IQCB1: variants seen among roughly 807,000 people sequenced by gnomAD.
IQCB1 encodes the protein IQ calmodulin-binding motif-containing protein 1.
In IQCB1, 56 loss-of-function variants were observed where a neutral mutation model predicts 84.4. That is an observed-to-expected ratio of 0.66 (90% CI 0.54 to 0.83). IQCB1 has a LOEUF of 0.83. Among genes scored for constraint, IQCB1 ranks in the 40% least tolerant of loss-of-function variants. IQCB1 has a pLI of 0.00. For synonymous variants in IQCB1, 210 were observed against 234.8 expected (o/e 0.89, Z 0.96); for missense variants, 629 against 682.1 (o/e 0.92, Z 0.87).
At position 121,829,082 on chromosome 3, in the gene IQCB1, C is replaced by T. The variant is rs1576620939; in HGVS notation, c.-12-110G>A. On this transcript the variant is annotated intron_variant, in intron 2 of 14. Coordinates refer to ENST00000310864, the MANE Select transcript of IQCB1 (RefSeq NM_001023570.4). The stretch of plus-strand genomic sequence containing the variant: ...TATAAATAAAAACAGCTTTTCTTGC[C>T]TTGTTTGAGAGGCAGAATGTAGATT... The T allele has an allele frequency of 7.1e-6, 5 of 708,478 alleles. No homozygotes were observed. In the East Asian group the frequency reaches 1.4e-4, roughly 19 times the overall value. The allele number at this position is 708,478 out of a possible 1,614,324, so 43.9% of individuals were successfully genotyped here.
chr3:121,786,052 T>C (rs1030912335), intron 12 of IQCB1, among the ~76,000 whole-genome samples: 1 of 149,838 alleles, frequency 6.7e-6, no homozygotes, highest in African/African-American at 2.5e-5. Flanking sequence ...AAGCCTGTAG[T>C]CCCAGCTACT....
chr3:121,792,480 A>G (rs951300493), intron 10 of IQCB1, among the ~76,000 whole-genome samples: 12 of 149,744 alleles, frequency 8.0e-5, no homozygotes, highest in Non-Finnish European at 5.9e-5. Flanking sequence ...TAACACGGTG[A>G]AACCCCGTCT....
intron 13 of IQCB1, among the ~76,000 whole-genome samples, chr3:121,776,793 AG>A (rs1948248870): frequency 6.6e-6 from 1 of 152,204 alleles, no homozygotes; most frequent in African/African-American, 2.4e-5. Context: ...CTTTTGGTGA[AG>A]TATCTGTTCA....
At chr3:121,826,264 T>A (rs1177127682) in intron 4 of IQCB1, 84 bp from the exon 5 acceptor site, 1 of 1,293,252 alleles carries the variant, frequency 7.7e-7, no homozygotes, top group East Asian at 2.3e-5. Context: ...TTATTGAGAA[T>A]TTTTAGTATG....
At chr3:121,827,477 G>A (rs1222102505) in intron 4 of IQCB1, among the ~76,000 whole-genome samples, 1 of 151,944 alleles carries the variant, frequency 6.6e-6, no homozygotes, top group African/African-American at 2.4e-5. Flanking sequence ...TGTGCATTCA[G>A]AAACATGGGA....
chr3:121,792,701 A>C lies in IQCB1; in HGVS notation c.987-2486T>G, dbSNP rs181256182. ...AAAAAAAAGTGAGATTTGGTGATTTAAATAGGGACTAAATTGTAAACAGGT... is the reference window on the plus strand; with the variant it reads ...AAAAAAAAGTGAGATTTGGTGATTTCAATAGGGACTAAATTGTAAACAGGT... On this transcript the variant is annotated intron_variant, in intron 10 of 14. Transcript: ENST00000310864. Among the ~76,000 whole-genome samples, 419 of 151,876 alleles carry C rather than the reference A, an allele frequency of 2.8e-3. 2 individuals carry two copies. Among genetic ancestry groups the C allele is most frequent in the African/African-American group, 9.6e-3 (397 of 41,412 alleles).
chr3:121,771,552 C>A (rs1947994441), intron 14 of IQCB1, among the ~76,000 whole-genome samples: 1 of 152,032 alleles, frequency 6.6e-6, no homozygotes, highest in Admixed American at 6.5e-5. Flanking sequence ...TGGTCTCGAA[C>A]TCCTGACCTC....
At chr3:121,771,734 T>C (rs747210357) in intron 14 of IQCB1, among the ~76,000 whole-genome samples, 2 of 152,306 alleles carry the variant, frequency 1.3e-5, no homozygotes, top group Admixed American at 1.3e-4. Flanking sequence ...TACCAAGTAG[T>C]GGCCATTAAA....
intron 5 of IQCB1, among the ~76,000 whole-genome samples, chr3:121,813,528 A>G (rs1949917606): frequency 1.3e-5 from 2 of 152,244 alleles, no homozygotes; most frequent in African/African-American, 2.4e-5. Context: ...CAGGAGACCC[A>G]TCTCACATGC....
intron 7 of IQCB1, among the ~76,000 whole-genome samples, chr3:121,805,748 A>G (rs1349295021): frequency 6.6e-6 from 1 of 151,920 alleles, no homozygotes; most frequent in Non-Finnish European, 1.5e-5. Flanking sequence ...ATCCTTTTGG[A>G]TTATTGTTTT....
At chr3:121,790,868 C>T (rs945998826) in intron 10 of IQCB1, among the ~76,000 whole-genome samples, 2 of 152,022 alleles carry the variant, frequency 1.3e-5, no homozygotes, top group African/African-American at 2.4e-5. Flanking sequence ...TCTTCTTATG[C>T]CTATTTCTCA....
intron 7 of IQCB1, among the ~76,000 whole-genome samples, chr3:121,802,421 T>C (rs1469238240): frequency 6.6e-6 from 1 of 152,138 alleles, no homozygotes; most frequent in African/African-American, 2.4e-5. Flanking sequence ...TTTATAAGCA[T>C]AAAGTTGTTT....
intron 2 of IQCB1, among the ~76,000 whole-genome samples, chr3:121,833,305 G>T (rs180681102): frequency 1.3e-5 from 2 of 152,176 alleles, no homozygotes; most frequent in African/African-American, 4.8e-5. Context: ...TACCTGGCAC[G>T]TACTAGGATT....
intron 5 of IQCB1, 95 bp from the exon 6 acceptor site, chr3:121,809,104 A>G (rs1486978953): frequency 1.3e-5 from 9 of 712,368 alleles, no homozygotes; most frequent in African/African-American, 3.7e-5. Context: ...TAGAGGATAC[A>G]GTTTCTGGAT....
intron 13 of IQCB1, 50 bp downstream of exon 13, chr3:121,781,693 T>C: frequency 6.7e-7 from 1 of 1,502,310 alleles, no homozygotes; most frequent in Non-Finnish European, 9.2e-7. Flanking sequence ...CAGTTATCAA[T>C]ATCATGCATT....
At chr3:121,811,281 G>A (rs1031667350) in intron 5 of IQCB1, among the ~76,000 whole-genome samples, 1 of 152,140 alleles carries the variant, frequency 6.6e-6, no homozygotes, top group African/African-American at 2.4e-5. Context: ...CACAGACCAG[G>A]AGATTCCCTG....
intron 2 of IQCB1, among the ~76,000 whole-genome samples, chr3:121,832,997 G>C (rs1454418916): frequency 1.3e-5 from 2 of 152,146 alleles, no homozygotes; most frequent in African/African-American, 4.8e-5. Flanking sequence ...TTAGTTTCTA[G>C]TAATTTAATC....
At chr3:121,779,369 T>C (rs1026446510) in intron 13 of IQCB1, among the ~76,000 whole-genome samples, 16 of 152,286 alleles carry the variant, frequency 1.1e-4, no homozygotes, top group African/African-American at 3.6e-4. Context: ...CAGTATCTAC[T>C]AGTATGGCTT....
intron 5 of IQCB1, among the ~76,000 whole-genome samples, chr3:121,819,729 T>C (rs988175880): frequency 6.6e-6 from 1 of 152,196 alleles, no homozygotes; most frequent in Non-Finnish European, 1.5e-5. Context: ...TTTTTACTCA[T>C]GAGTAATCTA....
Sources: gnomAD v4.1 joint callset for allele counts (sites outside exome capture counted in the v4.1 genomes callset) on GRCh38, gnomAD v4.1.1 for gene constraint, MANE v1.5 for transcripts, NCBI Gene and HGNC (gene_info 2026-07-23, HGNC 2026-07-21) for gene names.